Variants in MARCHF1 observed in about 807,000 individuals in gnomAD.
MARCHF1 encodes E3 ubiquitin-protein ligase MARCHF1.
MARCHF1 carries 40 observed loss-of-function variants against 54.2 expected under a neutral mutation model. The observed-to-expected ratio is 0.74, with a 90% confidence interval of 0.57 to 0.96. The LOEUF (loss-of-function observed/expected upper bound fraction) is 0.96, where lower values mean the gene tolerates loss of function less well. Ranked by LOEUF, MARCHF1 falls within the 40% of genes least tolerant of loss-of-function variation. MARCHF1 has a pLI of 0.00. For synonymous variants in MARCHF1, 236 were observed against 236.3 expected, an observed-to-expected ratio of 1.00 and a Z score of 0.01; for missense variants, 586 against 656.5, an observed-to-expected ratio of 0.89 and a Z score of 1.17.
At chr4:163,817,655 GTTAAA>G (rs1480295016) in intron 4 of MARCHF1, among the ~76,000 whole-genome samples, 2 of 151,908 alleles carry the variant, frequency 1.3e-5, no homozygotes, top group Non-Finnish European at 2.9e-5. Flanking sequence ...TGTAGACTCA[GTTAAA>G]TTAAAAATAA....
rs562455115 is a variant in MARCHF1, at chr4:164,135,706, C to G, written c.-322-24044G>C. ...AATTGGCTGGGGACATAGAGCTAGA[C>G]TATATCAGCCATCAACAAAAATAAG... On this transcript the variant is annotated intron_variant, in intron 1 of 9. Coordinates refer to ENST00000514618, the MANE Select transcript of MARCHF1 (RefSeq NM_001394959.1). 3.9e-5 allele frequency among the ~76,000 whole-genome samples: 6 copies of G among 152,294 alleles called. No individual in the cohort carries two copies. The South Asian group carries it at 1.2e-3, about 32-fold the overall frequency.
intron 4 of MARCHF1, among the ~76,000 whole-genome samples, chr4:163,713,068 T>C (rs1470329859): frequency 6.6e-6 from 1 of 152,128 alleles, no homozygotes; most frequent in Non-Finnish European, 1.5e-5. Context: ...CTCTCTTCAT[T>C]ATTTAGAGTA....
chr4:163,590,108 G>C (rs1183109216), intron 7 of MARCHF1, among the ~76,000 whole-genome samples: 1 of 145,860 alleles, frequency 6.9e-6, no homozygotes, highest in Non-Finnish European at 1.5e-5. Context: ...TTTAATGTTT[G>C]AGTTTTAAGA....
At chr4:163,714,414 C>A (rs1421204440) in intron 4 of MARCHF1, among the ~76,000 whole-genome samples, 1 of 152,226 alleles carries the variant, frequency 6.6e-6, no homozygotes, top group Admixed American at 6.5e-5. Context: ...AAATAGCTTA[C>A]TGCTAATGAA....
At chr4:163,737,692 A>G (rs1394967027) in intron 4 of MARCHF1, among the ~76,000 whole-genome samples, 2 of 124,102 alleles carry the variant, frequency 1.6e-5, no homozygotes, top group African/African-American at 5.1e-5. Context: ...AGAAATGCAA[A>G]TCAAAACCAC....
At chr4:164,191,388 T>C (rs1271043613) in intron 1 of MARCHF1, among the ~76,000 whole-genome samples, 1 of 152,248 alleles carries the variant, frequency 6.6e-6, no homozygotes, top group Admixed American at 6.5e-5. Context: ...GAATATGTCA[T>C]TAATTTAGTG....
At chr4:163,832,853 T>C (rs1190655888) in intron 4 of MARCHF1, among the ~76,000 whole-genome samples, 1 of 148,652 alleles carries the variant, frequency 6.7e-6, no homozygotes, top group Admixed American at 6.8e-5. Flanking sequence ...GGTTTTTTTG[T>C]CCTTGCGATA....
chr4:163,759,688 C>T (rs1485991459), intron 4 of MARCHF1, among the ~76,000 whole-genome samples: 2 of 152,122 alleles, frequency 1.3e-5, no homozygotes, highest in Non-Finnish European at 1.5e-5. Flanking sequence ...GTTACTGTTG[C>T]ACATGTTAAT....
intron 2 of MARCHF1, among the ~76,000 whole-genome samples, chr4:164,105,582 A>T (rs1284685625): frequency 1.0e-5 from 1 of 100,076 alleles, no homozygotes; most frequent in East Asian, 2.2e-4. Context: ...CTGAAACTGG[A>T]TCCCTTCCTT....
At chr4:164,225,869 T>A (rs1026085967) in intron 1 of MARCHF1, among the ~76,000 whole-genome samples, 2 of 152,190 alleles carry the variant, frequency 1.3e-5, no homozygotes, top group South Asian at 4.1e-4. Flanking sequence ...TTAATGCATT[T>A]CATAAATGTA....
intron 4 of MARCHF1, among the ~76,000 whole-genome samples, chr4:163,716,239 A>C (rs1318064726): frequency 3.9e-5 from 3 of 77,058 alleles, no homozygotes; most frequent in Admixed American, 2.8e-4. Flanking sequence ...AACAACAACA[A>C]TACAAGTATT....
At chr4:164,139,413 G>A (rs937542981) in intron 1 of MARCHF1, among the ~76,000 whole-genome samples, 27 of 151,750 alleles carry the variant, frequency 1.8e-4, no homozygotes, top group Admixed American at 1.7e-3. Flanking sequence ...CTAACAGCTA[G>A]TGACTTCCTG....
At chr4:163,923,649 A>G (rs1751477709) in intron 3 of MARCHF1, among the ~76,000 whole-genome samples, 1 of 152,056 alleles carries the variant, frequency 6.6e-6, no homozygotes, top group Admixed American at 6.6e-5. Context: ...ATATAAAATT[A>G]AACTCTTCAA....
chr4:163,657,337 G>T (rs1359299506), intron 5 of MARCHF1, among the ~76,000 whole-genome samples: 3 of 151,948 alleles, frequency 2.0e-5, no homozygotes, highest in Admixed American at 2.0e-4. Flanking sequence ...AAATTCCTAG[G>T]AATACAGCTA....
intron 1 of MARCHF1, among the ~76,000 whole-genome samples, chr4:164,368,269 TAA>T (rs1730937397): frequency 2.0e-5 from 3 of 151,206 alleles, no homozygotes; most frequent in African/African-American, 7.2e-5. Flanking sequence ...TTTAAAATCA[TAA>T]AGATATATTA....
At chr4:164,332,854 CTATA>C (rs1195274886) in intron 1 of MARCHF1, among the ~76,000 whole-genome samples, 1 of 151,880 alleles carries the variant, frequency 6.6e-6, no homozygotes, top group Non-Finnish European at 1.5e-5. Context: ...TATAAGCTGC[CTATA>C]TACTTTCATT....
In MARCHF1 at chr4:163,560,413, G is replaced by C. The variant is rs1226511160; in HGVS notation, c.1192-14670C>G. ...TCAGTCTTAACAACTATACTACCCT[G>C]CCTTGACTTTGGTAGCTGTATAATA... On this transcript the variant is annotated intron_variant, in intron 8 of 9. Transcript: ENST00000514618. 2.0e-5 allele frequency among the ~76,000 whole-genome samples: 3 copies of C among 152,058 alleles called. No individual in the cohort carries two copies. The East Asian group carries it at 5.8e-4, about 29-fold the overall frequency.
chr4:163,701,866 C>T (rs1744819829), intron 4 of MARCHF1, among the ~76,000 whole-genome samples: 1 of 151,968 alleles, frequency 6.6e-6, no homozygotes, highest in Non-Finnish European at 1.5e-5. Context: ...GGACTCAGCC[C>T]CAAAGTGGGC....
intron 5 of MARCHF1, among the ~76,000 whole-genome samples, chr4:163,628,606 T>A (rs968154137): frequency 6.6e-6 from 1 of 152,200 alleles, no homozygotes; most frequent in African/African-American, 2.4e-5. Context: ...GGAAGTCAAA[T>A]TGTCTTTGTT....
Sources: allele counts gnomAD v4.1 joint callset (sites outside exome capture counted in the v4.1 genomes callset), GRCh38; gene constraint gnomAD v4.1.1; transcripts MANE v1.5; gene names NCBI Gene and HGNC (gene_info 2026-07-23, HGNC 2026-07-21).